Variants in SLC4A5 observed in about 807,000 individuals in gnomAD.
SLC4A5 encodes solute carrier family 4 member 5.
In SLC4A5, 96 loss-of-function variants were observed where a neutral mutation model predicts 120.4. The ratio of observed to expected loss-of-function variants is 0.80; its 90% CI spans 0.68 to 0.94. SLC4A5 has a LOEUF of 0.94. SLC4A5 is among the 40% of genes least tolerant of loss of function. The probability of loss-of-function intolerance (pLI) is 0.00; values close to 1 mark genes in which losing one functional copy is unlikely to be tolerated. For synonymous variants in SLC4A5, 550 were observed against 571.1 expected, an observed-to-expected ratio of 0.96 and a Z score of 0.53; for missense variants, 1,259 against 1,459.5, an observed-to-expected ratio of 0.86 and a Z score of 2.24.
At chr2:74,235,145 A>G in exon 22 of SLC4A5, 1 of 1,614,208 alleles carries the variant, frequency 6.2e-7, no homozygotes, top group Non-Finnish European at 8.5e-7. Flanking sequence ...TCTAGGCCAA[A>G]ACAGGCATCG....
chr2:74,292,350 C>T (rs375154113), intron 7 of SLC4A5, among the ~76,000 whole-genome samples: 43 of 152,302 alleles, frequency 2.8e-4, no homozygotes, highest in African/African-American at 9.1e-4. Flanking sequence ...TACCTCTGGC[C>T]CTCCATCCCA....
chr2:74,294,459 A>T (rs1238227993), intron 7 of SLC4A5, among the ~76,000 whole-genome samples: 1 of 152,214 alleles, frequency 6.6e-6, no homozygotes, highest in Non-Finnish European at 1.5e-5. Context: ...TGTTGTCCTT[A>T]TTGTTCTGTT....
At chr2:74,221,290 G>A in intron 30 of SLC4A5, 144 bp downstream of exon 30, 1 of 579,522 alleles carries the variant, frequency 1.7e-6, no homozygotes, top group Non-Finnish European at 3.1e-6. Context: ...AGTCAGGTTT[G>A]TCAGCCTTTG....
chr2:74,334,034 T>C (rs971227372), exon 4 of SLC4A5: 2 of 152,202 alleles, frequency 1.3e-5, no homozygotes, highest in African/African-American at 4.8e-5. Flanking sequence ...CACCACAGTA[T>C]GTGCAATTTT....
intron 7 of SLC4A5, among the ~76,000 whole-genome samples, chr2:74,300,356 G>T (rs931160261): frequency 2.0e-5 from 3 of 152,148 alleles, no homozygotes; most frequent in Admixed American, 6.5e-5. Context: ...TCGCACAAAG[G>T]TAACTATGAG....
intron 21 of SLC4A5, among the ~76,000 whole-genome samples, chr2:74,237,725 G>A (rs923936891): frequency 2.0e-5 from 3 of 152,012 alleles, no homozygotes; most frequent in Non-Finnish European, 2.9e-5. Flanking sequence ...CCCACCCCAC[G>A]GCACAGTTAC....
At chr2:74,272,273 G>A (rs1671497362) in intron 8 of SLC4A5, among the ~76,000 whole-genome samples, 1 of 152,096 alleles carries the variant, frequency 6.6e-6, no homozygotes, top group Non-Finnish European at 1.5e-5. Flanking sequence ...ATGGGCAGGT[G>A]GGGGTTCATT....
chr2:74,312,048 T>G (rs181989965), intron 6 of SLC4A5, among the ~76,000 whole-genome samples: 162 of 152,358 alleles, frequency 1.1e-3, no homozygotes, highest in Admixed American at 1.6e-3. Context: ...TTTATCATGA[T>G]GCAATGCCCT....
exon 22 of SLC4A5, chr2:74,235,197 A>G (rs1275905658): frequency 1.2e-6 from 2 of 1,613,974 alleles, no homozygotes; most frequent in South Asian, 2.2e-5. Flanking sequence ...TGGAAAAGTC[A>G]GCCACCAGGG....
At chr2:74,252,350 T>C (rs1043629074) in exon 16 of SLC4A5, 1 of 1,613,732 alleles carries the variant, frequency 6.2e-7, no homozygotes, top group Admixed American at 1.7e-5. Flanking sequence ...CACAGAGCCA[T>C]TCATCTGGCC....
At chr2:74,265,009 C>T in intron 9 of SLC4A5, 95 bp downstream of exon 9, 3 of 1,379,810 alleles carry the variant, frequency 2.2e-6, no homozygotes, top group Non-Finnish European at 3.0e-6. Context: ...CAGAGACGGG[C>T]CGTCACACAG....
chr2:74,226,776 C>T (rs1307668628), intron 27 of SLC4A5, among the ~76,000 whole-genome samples, 181 bp downstream of exon 27: 1 of 152,142 alleles, frequency 6.6e-6, no homozygotes, highest in Non-Finnish European at 1.5e-5. Flanking sequence ...CCCCACCCCA[C>T]ACCATCTGGC....
chr2:74,305,746 A>C (rs1672623665), intron 6 of SLC4A5, among the ~76,000 whole-genome samples: 1 of 107,700 alleles, frequency 9.3e-6, no homozygotes, highest in Non-Finnish European at 1.7e-5. Flanking sequence ...TTTTTTTGAG[A>C]CGGAGTCTTG....
At chr2:74,323,606 G>C (rs1390404297) in intron 5 of SLC4A5, among the ~76,000 whole-genome samples, 2 of 152,226 alleles carry the variant, frequency 1.3e-5, no homozygotes, top group Middle Eastern at 6.8e-3. Context: ...TAAAAGATTT[G>C]ATACACTCTT....
intron 5 of SLC4A5, among the ~76,000 whole-genome samples, chr2:74,321,443 C>T (rs2104316360): frequency 6.6e-6 from 1 of 152,234 alleles, no homozygotes; most frequent in East Asian, 1.9e-4. Context: ...AATGAAACTA[C>T]AGTTTGCCCA....
intron 16 of SLC4A5, 89 bp from the exon 17 acceptor site, chr2:74,250,606 C>G: frequency 6.6e-7 from 1 of 1,504,916 alleles, no homozygotes. Context: ...GAGTCTGGGG[C>G]GAGGAAAGGA....
At chr2:74,275,157 T>C (rs966402204) in intron 8 of SLC4A5, among the ~76,000 whole-genome samples, 2 of 152,190 alleles carry the variant, frequency 1.3e-5, no homozygotes, top group Non-Finnish European at 2.9e-5. Context: ...AGTGATGAAC[T>C]GCAGTGGCAC....
exon 19 of SLC4A5, chr2:74,247,164 A>G (rs1432797632): frequency 2.5e-6 from 4 of 1,614,236 alleles, no homozygotes; most frequent in Non-Finnish European, 3.4e-6. Context: ...GATGAAGCTG[A>G]TAAGGGTGGA....
rs1405219118 is a variant in SLC4A5 at position 74,255,493 on chromosome 2, C to T, written c.1025+282G>A. Among the ~76,000 whole-genome samples, 1 of 152,004 alleles carries T rather than the reference C, an allele frequency of 6.6e-6. No homozygotes were observed. The highest frequency in any genetic ancestry group is 1.5e-5 in the Non-Finnish European group (1 of 67,998). On this transcript the variant is annotated intron_variant, in intron 13 of 30. Transcript: ENST00000394019. This position sits in a 1 kb window ranked among gnomAD's most constrained non-coding sequence, Gnocchi z 4.0. The stretch of plus-strand genomic sequence containing the variant: ...TATTTTTAGTAGAGACGGGGTTTCA[C>T]CTTGTTGGCCAGGCTGGTCTCGAAC...
Sources: gnomAD v4.1 joint callset for allele counts (sites outside exome capture counted in the v4.1 genomes callset) on GRCh38, gnomAD v4.1.1 for gene constraint, Gnocchi (gnomAD v3.1) non-coding constraint, MANE v1.5 for transcripts, NCBI Gene and HGNC (gene_info 2026-07-23, HGNC 2026-07-21) for gene names.